ZFHX3: variants seen among roughly 807,000 people sequenced by gnomAD.
ZFHX3 encodes the protein zinc finger homeobox 3.
Under a neutral mutation model 279.1 loss-of-function variants are expected in ZFHX3, and 42 were observed. The observed-to-expected ratio is 0.15, with a 90% CI of 0.12 to 0.19. The LOEUF (loss-of-function observed/expected upper bound fraction) is 0.19, where lower values mean the gene tolerates loss of function less well. ZFHX3 is among the 10% of genes least tolerant of loss of function. The pLI is 1.00. For synonymous variants in ZFHX3, 2,293 were observed against 1,957.8 expected, an observed-to-expected ratio of 1.17 and a Z score of -4.52; for missense variants, 4,981 against 4,754.0, an observed-to-expected ratio of 1.05 and a Z score of -1.40.
chr16:72,918,321 T>C (rs1232665756), intron 3 of ZFHX3, among the ~76,000 whole-genome samples: 4 of 151,994 alleles, frequency 2.6e-5, no homozygotes, highest in East Asian at 1.9e-4. Flanking sequence ...TACATACACA[T>C]GAAGACAAGA....
At chr16:73,258,525 A>G (rs2013726254) in intron 4 of ZFHX3, among the ~76,000 whole-genome samples, 2 of 151,676 alleles carry the variant, frequency 1.3e-5, no homozygotes, top group African/African-American at 4.9e-5. Flanking sequence ...AATTTTTTGT[A>G]TTTTTAGTAG....
In ZFHX3 at chr16:72,992,513, C is replaced by T. The variant is rs556640199; in HGVS notation, c.-49-32319G>A. Among the ~76,000 whole-genome samples the T allele has an allele frequency of 2.0e-5, 3 of 152,260 alleles. No individual in the cohort carries two copies. The South Asian group carries it at 6.2e-4, about 32-fold the overall frequency. On this transcript the variant is annotated intron_variant, in intron 1 of 9. Coordinates refer to ENST00000268489, the MANE Select transcript of ZFHX3 (RefSeq NM_006885.4). ...AGTAATTGCAGCTTCTAACTATGCT[C>T]GGCCAAGATTGCAAAAATTCCCTAG...
At chr16:73,213,608 TG>T (rs2012095189) in intron 5 of ZFHX3, among the ~76,000 whole-genome samples, 1 of 152,202 alleles carries the variant, frequency 6.6e-6, no homozygotes, top group Admixed American at 6.5e-5. Flanking sequence ...CCCCGCAGTT[TG>T]GGGACATTCA....
At chr16:73,172,931 G>GTTTTTTTT (rs376709821) in intron 5 of ZFHX3, among the ~76,000 whole-genome samples, 44 of 97,098 alleles carry the variant, frequency 4.5e-4, no homozygotes, top group South Asian at 1.6e-3. Flanking sequence ...GCTGCCTGTG[G>GTTTTTTTT]TTTTTTTTTT....
At chr16:73,130,930 C>A in intron 7 of ZFHX3, 1 of 1,291,056 alleles carries the variant, frequency 7.7e-7, no homozygotes, top group Non-Finnish European at 1.0e-6. Flanking sequence ...TTTTAAAATG[C>A]AAATGGCTAG....
chr16:73,882,634 G>C (rs763361883), intron 1 of ZFHX3, among the ~76,000 whole-genome samples: 46 of 151,984 alleles, frequency 3.0e-4, no homozygotes, highest in Non-Finnish European at 5.7e-4. Context: ...GATAGAGCCA[G>C]GGTCTGGAAA....
intron 2 of ZFHX3, among the ~76,000 whole-genome samples, chr16:73,509,766 G>A (rs1299876278): frequency 1.4e-5 from 2 of 146,410 alleles, no homozygotes; most frequent in South Asian, 2.1e-4. Flanking sequence ...CGTGATCTCG[G>A]CTCACTGCAA....
chr16:73,693,459 T>C (rs1334569606), intron 1 of ZFHX3, among the ~76,000 whole-genome samples: 1 of 152,152 alleles, frequency 6.6e-6, no homozygotes, highest in African/African-American at 2.4e-5. Flanking sequence ...ACATTTGCGT[T>C]TGAGCTGCAC....
chr16:73,187,157 C>CACACACACACAT (rs1360128272), intron 5 of ZFHX3, among the ~76,000 whole-genome samples: 5 of 151,402 alleles, frequency 3.3e-5, no homozygotes, highest in African/African-American at 9.7e-5. Context: ...CACACACACA[C>CACACACACACAT]ACACACACAC....
rs548370644 is a variant in ZFHX3, at chr16:73,388,224, G to GT, written c.-1291+67778dup. On this transcript the variant is annotated intron_variant, in intron 3 of 17. Coordinates refer to the ZFHX3 transcript ENST00000641206. ...CAGGTCTTCTTGGATGCTTGAGGAA[G>GT]TGTCTATGTGTATCCAGGCCTGTGT... 5.9e-5 allele frequency among the ~76,000 whole-genome samples: 9 copies of GT among 152,274 alleles called. No homozygotes were observed. In the East Asian group the frequency reaches 1.7e-3, roughly 30 times the overall value.
At chr16:73,383,201 T>C (rs1320144427) in intron 3 of ZFHX3, among the ~76,000 whole-genome samples, 1 of 152,204 alleles carries the variant, frequency 6.6e-6, no homozygotes, top group Non-Finnish European at 1.5e-5. Flanking sequence ...AAGTGATCAG[T>C]GGTCAAAACG....
At chr16:73,180,334 CTTTAT>C (rs746445402) in intron 5 of ZFHX3, among the ~76,000 whole-genome samples, 2 of 152,166 alleles carry the variant, frequency 1.3e-5, no homozygotes, top group African/African-American at 2.4e-5. Flanking sequence ...TCATTCTTCT[CTTTAT>C]TTTATTATTA....
At chr16:72,996,903 T>C (rs563921733) in intron 1 of ZFHX3, among the ~76,000 whole-genome samples, 6 of 152,318 alleles carry the variant, frequency 3.9e-5, no homozygotes, top group East Asian at 1.9e-4. Context: ...CTCTAGGTAT[T>C]ACTACTGACA....
At chr16:73,187,932 C>T (rs1005146171) in intron 5 of ZFHX3, among the ~76,000 whole-genome samples, 2 of 151,212 alleles carry the variant, frequency 1.3e-5, no homozygotes, top group Non-Finnish European at 3.0e-5. Flanking sequence ...GATCTCGGCT[C>T]ACTGCAAGCT....
intron 5 of ZFHX3, among the ~76,000 whole-genome samples, chr16:73,242,585 G>A (rs2013155934): frequency 6.6e-6 from 1 of 152,200 alleles, no homozygotes; most frequent in South Asian, 2.1e-4. Flanking sequence ...CAGAAGGAAT[G>A]CTCCTTTTAA....
chr16:73,577,851 T>C (rs1216907907), intron 2 of ZFHX3, among the ~76,000 whole-genome samples: 1 of 152,178 alleles, frequency 6.6e-6, no homozygotes, highest in Non-Finnish European at 1.5e-5. Flanking sequence ...CAAAATCATT[T>C]GTATGGAAGA....
rs141705745 is a variant in ZFHX3 at position 73,778,887 on chromosome 16, T to G, written c.-1607-98647A>C. ...TTCATATTAGGGAGCATCTGGGAAG[T>G]TGAAAGTAGGAATTGTTCTTCTGTG... On this transcript the variant is annotated intron_variant, in intron 1 of 17. Coordinates refer to the ZFHX3 transcript ENST00000641206. Among the ~76,000 whole-genome samples the G allele has an allele frequency of 6.6e-5, 10 of 152,340 alleles. No individual in the cohort carries two copies. The South Asian group carries it at 1.0e-3, about 16-fold the overall frequency.
intron 3 of ZFHX3, among the ~76,000 whole-genome samples, chr16:73,434,829 T>C (rs1483971139): frequency 1.3e-5 from 2 of 152,030 alleles, no homozygotes; most frequent in Non-Finnish European, 2.9e-5. Flanking sequence ...CCACTCAAAC[T>C]GGGAAAACAA....
intron 7 of ZFHX3, among the ~76,000 whole-genome samples, chr16:73,096,720 A>G (rs2144783784): frequency 6.6e-6 from 1 of 152,096 alleles, no homozygotes; most frequent in East Asian, 1.9e-4. Flanking sequence ...CCGGCATTGA[A>G]GCTGAACTTC....
Sources: allele counts gnomAD v4.1 joint callset (sites outside exome capture counted in the v4.1 genomes callset), GRCh38; gene constraint gnomAD v4.1.1; transcripts MANE v1.5; gene names NCBI Gene and HGNC (gene_info 2026-07-23, HGNC 2026-07-21).